The following PGM5 variants were observed in gnomAD, a reference collection of about 807,000 sequenced individuals.
PGM5 encodes phosphoglucomutase-like protein 5.
PGM5 carries 23 observed loss-of-function variants against 59.2 expected under a neutral mutation model. The observed-to-expected ratio is 0.39, with a 90% CI of 0.28 to 0.55. The LOEUF (loss-of-function observed/expected upper bound fraction) is 0.55. Ranked by LOEUF, PGM5 falls within the 20% of genes least tolerant of loss-of-function variation. The probability of loss-of-function intolerance (pLI) is 0.66; values close to 1 mark genes in which losing one functional copy is unlikely to be tolerated. For synonymous variants in PGM5, 214 were observed against 286.0 expected (o/e 0.75, Z 2.54); for missense variants, 574 against 748.3 (o/e 0.77, Z 2.72).
chr9:68,409,317 C>T (rs202102813), intron 6 of PGM5, among the ~76,000 whole-genome samples: 504 of 140,416 alleles, frequency 3.6e-3, no homozygotes, highest in Middle Eastern at 0.024. Flanking sequence ...GTCAGTGTGG[C>T]GATTCCTCAG....
chr9:68,433,244 ATGT>A (rs1264506845), intron 6 of PGM5, among the ~76,000 whole-genome samples: 1 of 152,194 alleles, frequency 6.6e-6, no homozygotes, highest in Non-Finnish European at 1.5e-5. Context: ...TTAGTTATTC[ATGT>A]TGGGCAAGCT....
intron 6 of PGM5, among the ~76,000 whole-genome samples, chr9:68,420,628 G>T (rs1823112252): frequency 6.6e-6 from 1 of 152,192 alleles, no homozygotes; most frequent in African/African-American, 2.4e-5. Flanking sequence ...CCAGCAATTA[G>T]TTTAGTATAG....
chr9:68,357,957 A>AT (rs1834501246), intron 1 of PGM5: 4 of 151,538 alleles, frequency 2.6e-5, no homozygotes, highest in African/African-American at 7.9e-5. Context: ...ACACACACAC[A>AT]CACACACGAT....
At chr9:68,393,788 G>A (rs1287699850) in intron 6 of PGM5, 9 of 152,254 alleles carry the variant, frequency 5.9e-5, no homozygotes, top group South Asian at 2.1e-4. Flanking sequence ...TAATGGAGAT[G>A]TGTCCACAAA....
chr9:68,362,303 T>C (rs1217570686), intron 1 of PGM5, among the ~76,000 whole-genome samples: 1 of 152,222 alleles, frequency 6.6e-6, no homozygotes, highest in Non-Finnish European at 1.5e-5. Flanking sequence ...GACAAATGAA[T>C]TTTGTTTTGT....
intron 10 of PGM5, among the ~76,000 whole-genome samples, chr9:68,505,975 T>C (rs1554688995): frequency 6.6e-6 from 1 of 152,094 alleles, no homozygotes; most frequent in African/African-American, 2.4e-5. Flanking sequence ...AAGTCTGCTG[T>C]GGCTGAAATA....
chr9:68,415,830 T>C (rs1823019506), intron 6 of PGM5, among the ~76,000 whole-genome samples: 1 of 135,200 alleles, frequency 7.4e-6, no homozygotes, highest in African/African-American at 2.7e-5. Flanking sequence ...CTATCTATCA[T>C]CTACACACAC....
chr9:68,488,140 A>G (rs1426231852), intron 9 of PGM5, among the ~76,000 whole-genome samples: 1 of 152,218 alleles, frequency 6.6e-6, no homozygotes, highest in African/African-American at 2.4e-5. Flanking sequence ...TAAGAAAAGC[A>G]GAAAAAAAAC....
intron 6 of PGM5, among the ~76,000 whole-genome samples, chr9:68,452,738 T>C (rs1823717227): frequency 6.6e-6 from 1 of 152,176 alleles, no homozygotes; most frequent in Admixed American, 6.5e-5. Flanking sequence ...CTGTCCCCAC[T>C]AGGCTAGTCC....
At chr9:68,400,399 A>G (rs1180904038) in intron 6 of PGM5, among the ~76,000 whole-genome samples, 12 of 152,058 alleles carry the variant, frequency 7.9e-5, no homozygotes, top group Non-Finnish European at 1.5e-4. Context: ...GTGCCTTTGC[A>G]TGCACTTCTG....
chr9:68,358,561 A>G (rs1834514839), intron 1 of PGM5, among the ~76,000 whole-genome samples: 1 of 152,264 alleles, frequency 6.6e-6, no homozygotes, highest in Admixed American at 6.5e-5. Context: ...TTGCAGATGT[A>G]TAAATGAGTG....
chr9:68,500,250 T>A (rs782341903), intron 10 of PGM5, among the ~76,000 whole-genome samples: 2 of 152,232 alleles, frequency 1.3e-5, no homozygotes, highest in Non-Finnish European at 2.9e-5. Flanking sequence ...TGGAGTAAGA[T>A]ACCTGGCAGG....
intron 6 of PGM5, among the ~76,000 whole-genome samples, chr9:68,447,733 A>G (rs2132067720): frequency 6.6e-6 from 1 of 152,274 alleles, no homozygotes; most frequent in South Asian, 2.1e-4. Context: ...TATAGGCAAA[A>G]CATATCCAGA....
chr9:68,412,418 A>T (rs1245803940), intron 6 of PGM5, among the ~76,000 whole-genome samples: 2 of 152,222 alleles, frequency 1.3e-5, no homozygotes, highest in East Asian at 3.8e-4. Flanking sequence ...TCTTATTCTG[A>T]TAAATATCAC....
At chr9:68,457,516 T>A (rs149062338) in intron 6 of PGM5, among the ~76,000 whole-genome samples, 1 of 152,352 alleles carries the variant, frequency 6.6e-6, no homozygotes, top group Non-Finnish European at 1.5e-5. Context: ...AGAGTGAGTA[T>A]CCATTTATAG....
At chr9:68,362,205 G>A (rs1477651875) in intron 1 of PGM5, among the ~76,000 whole-genome samples, 7 of 151,278 alleles carry the variant, frequency 4.6e-5, no homozygotes, top group East Asian at 1.9e-4. Context: ...AGTTCCTTCC[G>A]GGAAGGCAGA....
chr9:68,384,580 C>G, intron 3 of PGM5, 36 bp downstream of exon 3: 1 of 1,457,440 alleles, frequency 6.9e-7, no homozygotes, highest in Non-Finnish European at 9.5e-7. Context: ...GTCAGAGTAA[C>G]TATGTGGATG....
intron 8 of PGM5, among the ~76,000 whole-genome samples, chr9:68,482,544 T>C (rs1364197732): frequency 6.6e-6 from 1 of 152,220 alleles, no homozygotes; most frequent in Admixed American, 6.5e-5. Context: ...CTGGATGTCT[T>C]AAAGATCTTG....
chr9:68,496,199 A>T (rs1824479837), intron 9 of PGM5, among the ~76,000 whole-genome samples: 2 of 152,236 alleles, frequency 1.3e-5, no homozygotes, highest in South Asian at 4.1e-4. Context: ...GTCAGTGGTA[A>T]CTTTGGCTTC....
Sources: gnomAD v4.1 joint callset for allele counts (sites outside exome capture counted in the v4.1 genomes callset) on GRCh38, gnomAD v4.1.1 for gene constraint, MANE v1.5 for transcripts, NCBI Gene and HGNC (gene_info 2026-07-23, HGNC 2026-07-21) for gene names.